LUZP2: variants seen among roughly 807,000 people sequenced by gnomAD.
The protein encoded by LUZP2 is leucine zipper protein 2.
LUZP2 carries 52 observed loss-of-function variants against 51.6 expected under a neutral mutation model. The observed-to-expected ratio is 1.01, with a 90% confidence interval of 0.81 to 1.27. The LOEUF is 1.27. Ranked by LOEUF, LUZP2 falls within the 50% of genes most tolerant of loss-of-function variation. The pLI, the probability that LUZP2 is intolerant of heterozygous loss-of-function variation, is 0.00. For missense variants in LUZP2, 436 were observed against 395.4 expected, an observed-to-expected ratio of 1.10 and a Z score of -0.87; for synonymous variants, 154 against 137.3, an observed-to-expected ratio of 1.12 and a Z score of -0.85.
intron 10 of LUZP2, among the ~76,000 whole-genome samples, chr11:25,051,949 G>T (rs1008355482): frequency 2.2e-4 from 34 of 152,116 alleles, no homozygotes; most frequent in African/African-American, 7.7e-4. Flanking sequence ...TTCTACTTGT[G>T]TTGTTCTCCT....
chr11:24,823,677 A>G (rs1227347504), intron 5 of LUZP2, among the ~76,000 whole-genome samples: 1 of 152,176 alleles, frequency 6.6e-6, no homozygotes, highest in Non-Finnish European at 1.5e-5. Context: ...AAAACTGACA[A>G]TATTATTGAG....
At chr11:25,066,165 A>G (rs766549307) in intron 10 of LUZP2, among the ~76,000 whole-genome samples, 3 of 116,614 alleles carry the variant, frequency 2.6e-5, no homozygotes, top group South Asian at 2.6e-4. Flanking sequence ...TATTTCTTCT[A>G]TTTTGTGACT....
chr11:24,673,176 T>G (rs897235993), intron 1 of LUZP2, among the ~76,000 whole-genome samples: 4 of 152,100 alleles, frequency 2.6e-5, no homozygotes, highest in Non-Finnish European at 4.4e-5. Flanking sequence ...GACCACTGCT[T>G]TAGGCAATTG....
rs1244067449 is a variant in LUZP2 at position 24,634,087 on chromosome 11, C to T, written c.63-95082C>T. Among the ~76,000 whole-genome samples the T allele has an allele frequency of 3.3e-5, 5 of 151,856 alleles. No homozygotes were observed. The East Asian group carries it at 9.7e-4, about 29-fold the overall frequency. On this transcript the variant is annotated intron_variant, in intron 1 of 11. Transcript: ENST00000336930. ...GGGTTTTCTATAGCAATCAAACTTACTAGAAGTATGATCTTGAGCAAATTA... is the reference window on the plus strand; with the variant it reads ...GGGTTTTCTATAGCAATCAAACTTATTAGAAGTATGATCTTGAGCAAATTA...
At chr11:24,859,127 A>T (rs979239879) in intron 5 of LUZP2, among the ~76,000 whole-genome samples, 2 of 152,216 alleles carry the variant, frequency 1.3e-5, no homozygotes, top group Admixed American at 6.5e-5. Flanking sequence ...ACTTAATATA[A>T]GTTATGTGAC....
intron 7 of LUZP2, among the ~76,000 whole-genome samples, chr11:24,967,499 T>C (rs1855620519): frequency 6.6e-6 from 1 of 151,968 alleles, no homozygotes; most frequent in Non-Finnish European, 1.5e-5. Flanking sequence ...TTCTTTCTAG[T>C]ATTCCAGTGT....
chr11:24,888,625 G>T (rs989423285), intron 5 of LUZP2, among the ~76,000 whole-genome samples: 2 of 152,082 alleles, frequency 1.3e-5, no homozygotes, highest in Non-Finnish European at 2.9e-5. Context: ...TTCCCAAAAA[G>T]TTGTAGGAAT....
At chr11:24,755,387 C>T (rs1205556512) in intron 4 of LUZP2, among the ~76,000 whole-genome samples, 1 of 152,100 alleles carries the variant, frequency 6.6e-6, no homozygotes, top group Non-Finnish European at 1.5e-5. Flanking sequence ...TAATTTTCCC[C>T]TTTGCGGGTG....
chr11:24,980,289 T>TC (rs1855990242), intron 8 of LUZP2, among the ~76,000 whole-genome samples: 1 of 151,226 alleles, frequency 6.6e-6, no homozygotes, highest in Non-Finnish European at 1.5e-5. Context: ...AAATGCATTT[T>TC]TTCTGAGAAA....
At chr11:24,995,199 C>T (rs1206690096) in intron 9 of LUZP2, among the ~76,000 whole-genome samples, 1 of 152,032 alleles carries the variant, frequency 6.6e-6, no homozygotes, top group African/African-American at 2.4e-5. Context: ...ATGAGACCAG[C>T]CTGGGCAACA....
intron 5 of LUZP2, among the ~76,000 whole-genome samples, chr11:24,819,933 A>G (rs977118149): frequency 1.2e-4 from 19 of 152,170 alleles, no homozygotes; most frequent in Non-Finnish European, 2.4e-4. Flanking sequence ...TTTATGTTAT[A>G]GGCATTAAAT....
intron 5 of LUZP2, among the ~76,000 whole-genome samples, chr11:24,855,674 A>T (rs7928053): frequency 0.2 from 30,417 of 152,190 alleles, 3,171 homozygotes; most frequent in African/African-American, 0.25. Context: ...ATCCTAAACA[A>T]GAAGAACAAA....
chr11:24,809,666 T>TA (rs889173572), intron 5 of LUZP2, among the ~76,000 whole-genome samples: 5 of 152,112 alleles, frequency 3.3e-5, no homozygotes, highest in South Asian at 4.1e-4. Flanking sequence ...AACCCTAATT[T>TA]AAAAAAATGT....
chr11:24,580,339 A>C (rs948859936), intron 1 of LUZP2, among the ~76,000 whole-genome samples: 5 of 152,112 alleles, frequency 3.3e-5, no homozygotes, highest in African/African-American at 1.2e-4. Flanking sequence ...ATTAGAAATA[A>C]AACAGCTGTG....
At chr11:24,970,002 A>T (rs1274599821) in intron 7 of LUZP2, among the ~76,000 whole-genome samples, 1 of 152,096 alleles carries the variant, frequency 6.6e-6, no homozygotes. Context: ...TTTGTACTTT[A>T]TGTTCTTAGA....
At chr11:24,568,020 G>A (rs1313399800) in intron 1 of LUZP2, among the ~76,000 whole-genome samples, 1 of 152,102 alleles carries the variant, frequency 6.6e-6, no homozygotes, top group East Asian at 1.9e-4. Flanking sequence ...AAAAGGCACA[G>A]ATTGTTGGAC....
chr11:25,067,980 C>T (rs1859045151), intron 10 of LUZP2, among the ~76,000 whole-genome samples: 1 of 151,996 alleles, frequency 6.6e-6, no homozygotes, highest in Non-Finnish European at 1.5e-5. Context: ...GAATACTATG[C>T]AGCCATAAAA....
chr11:24,707,232 C>T (rs542538302), intron 1 of LUZP2, among the ~76,000 whole-genome samples: 2 of 151,854 alleles, frequency 1.3e-5, no homozygotes, highest in South Asian at 2.1e-4. Context: ...ACATCCAAAG[C>T]TTATATTCAA....
At chr11:24,883,554 C>T (rs373606549) in intron 5 of LUZP2, among the ~76,000 whole-genome samples, 7 of 152,050 alleles carry the variant, frequency 4.6e-5, no homozygotes, top group African/African-American at 1.4e-4. Context: ...GCTTGAACTG[C>T]AGTATGAAAT....
Sources: allele counts gnomAD v4.1 joint callset (sites outside exome capture counted in the v4.1 genomes callset), GRCh38; gene constraint gnomAD v4.1.1; transcripts MANE v1.5; gene names NCBI Gene and HGNC (gene_info 2026-07-23, HGNC 2026-07-21).